Variants in GALNT18 observed in about 807,000 individuals in gnomAD.
GALNT18 encodes the protein polypeptide N-acetylgalactosaminyltransferase 18.
A neutral mutation model predicts 69.5 loss-of-function variants in GALNT18; 44 were observed. That is an observed-to-expected ratio of 0.63 (90% CI 0.50 to 0.81). The LOEUF (loss-of-function observed/expected upper bound fraction) is 0.81, where lower values mean the gene tolerates loss of function less well. Among genes scored for constraint, GALNT18 ranks in the 40% least tolerant of loss-of-function variants. GALNT18 has a pLI of 0.00. For synonymous variants in GALNT18, 364 were observed against 318.2 expected (o/e 1.14, Z -1.53); for missense variants, 715 against 810.0 (o/e 0.88, Z 1.42).
chr11:11,579,317 G>C (rs1859014178), intron 1 of GALNT18, among the ~76,000 whole-genome samples: 1 of 152,222 alleles, frequency 6.6e-6, no homozygotes, highest in South Asian at 2.1e-4. Context: ...CTCTAGGTTT[G>C]ACCAGGACTA....
At chr11:11,526,215 G>A (rs1386079796) in intron 1 of GALNT18, among the ~76,000 whole-genome samples, 2 of 152,188 alleles carry the variant, frequency 1.3e-5, no homozygotes, top group African/African-American at 4.8e-5. Flanking sequence ...TGTGGGTGGA[G>A]GGAGGGAAGC....
At chr11:11,456,296 G>C (rs953705636) in intron 1 of GALNT18, among the ~76,000 whole-genome samples, 6 of 152,148 alleles carry the variant, frequency 3.9e-5, no homozygotes, top group African/African-American at 1.4e-4. Context: ...GGGGCTTATT[G>C]CTGAGCTCAC....
intron 6 of GALNT18, among the ~76,000 whole-genome samples, chr11:11,366,090 C>T (rs570161974): frequency 3.0e-4 from 45 of 152,310 alleles, no homozygotes; most frequent in Admixed American, 7.8e-4. Context: ...GTCCCAAATA[C>T]GCTATTATGA....
chr11:11,282,686 G>A (rs72859264), intron 10 of GALNT18, among the ~76,000 whole-genome samples: 3,095 of 152,268 alleles, frequency 0.02, 45 homozygotes, highest in Non-Finnish European at 0.03. Context: ...ACCTCAACGA[G>A]CTTCAAAATT....
At chr11:11,354,201 A>G (rs1373311688) in intron 6 of GALNT18, among the ~76,000 whole-genome samples, 1 of 152,240 alleles carries the variant, frequency 6.6e-6, no homozygotes, top group African/African-American at 2.4e-5. Flanking sequence ...CACCGATAGC[A>G]AACTCTCATT....
intron 2 of GALNT18, among the ~76,000 whole-genome samples, chr11:11,445,847 AG>A (rs1855638682): frequency 6.6e-6 from 1 of 152,180 alleles, no homozygotes; most frequent in Non-Finnish European, 1.5e-5. Context: ...TGCAGAGGGA[AG>A]GTCTCTCTGT....
intron 1 of GALNT18, among the ~76,000 whole-genome samples, chr11:11,507,357 G>A (rs961686379): frequency 6.6e-6 from 1 of 152,196 alleles, no homozygotes; most frequent in Non-Finnish European, 1.5e-5. Flanking sequence ...CTGAGTCTCA[G>A]AGGAAAATTC....
chr11:11,291,278 C>T (rs539133256), intron 10 of GALNT18, among the ~76,000 whole-genome samples: 21 of 152,116 alleles, frequency 1.4e-4, no homozygotes, highest in South Asian at 4.2e-4. Flanking sequence ...CCTTCTCCCA[C>T]GTGGCCACTT....
At chr11:11,360,475 G>C (rs137958660) in intron 6 of GALNT18, among the ~76,000 whole-genome samples, 1 of 152,220 alleles carries the variant, frequency 6.6e-6, no homozygotes, top group African/African-American at 2.4e-5. Context: ...TCTCTTCATC[G>C]ATTTTCTATA....
chr11:11,577,505 C>A (rs368562986), intron 1 of GALNT18, among the ~76,000 whole-genome samples: 1 of 152,194 alleles, frequency 6.6e-6, no homozygotes, highest in African/African-American at 2.4e-5. Context: ...AAAAACCCCA[C>A]CCCTCCAATT....
chr11:11,527,140 A>G (rs1193425301), intron 1 of GALNT18, among the ~76,000 whole-genome samples: 2 of 152,164 alleles, frequency 1.3e-5, no homozygotes, highest in African/African-American at 4.8e-5. Flanking sequence ...TGATCCTTCC[A>G]AAAGTCTTCA....
rs188615231 is a variant in GALNT18, at chr11:11,391,572, A to G, written c.596-12308T>C. 2.1e-3 allele frequency among the ~76,000 whole-genome samples: 325 copies of G among 152,386 alleles called. 2 individuals are homozygous for G. The highest frequency in any genetic ancestry group is 4.0e-3 in the Non-Finnish European group (271 of 68,038). On this transcript the variant is annotated intron_variant, in intron 3 of 10. Transcript: ENST00000227756. ...CACTTTCTGATTTAAGGCAGATGAA[A>G]AAATAAAGGAAGGCTAATGCTATCT... is the stretch of plus-strand genomic sequence containing the variant.
chr11:11,343,612 T>C (rs1850249762), intron 6 of GALNT18, among the ~76,000 whole-genome samples: 1 of 152,182 alleles, frequency 6.6e-6, no homozygotes, highest in African/African-American at 2.4e-5. Context: ...ACAGTCCTGA[T>C]TTCCAATTCA....
chr11:11,503,721 C>T (rs1360938385), intron 1 of GALNT18, among the ~76,000 whole-genome samples: 4 of 152,220 alleles, frequency 2.6e-5, no homozygotes, highest in South Asian at 2.1e-4. Flanking sequence ...AGCTTCGCCA[C>T]CTTCTGTGAC....
Position 11,538,632 on chromosome 11 carries a change from G to A in GALNT18, c.235+82727C>T, listed in dbSNP as rs944431997. Among the ~76,000 whole-genome samples the A allele has an allele frequency of 5.3e-5, 8 of 152,192 alleles. No homozygotes were observed. The highest frequency in any genetic ancestry group is 8.8e-5 in the Non-Finnish European group (6 of 68,034). ...CCTATCTGGGGATGAAGCACAGGCT[G>A]ACCTGATAGTGAGTCCTCCCTTCCT... On this transcript the variant is annotated intron_variant, in intron 1 of 10. Transcript: ENST00000227756. This position sits in a 1 kb window ranked among gnomAD's most constrained non-coding sequence, Gnocchi z 5.2.
At chr11:11,580,355 C>A (rs1859047110) in intron 1 of GALNT18, among the ~76,000 whole-genome samples, 1 of 152,332 alleles carries the variant, frequency 6.6e-6, no homozygotes, top group South Asian at 2.1e-4. Flanking sequence ...CTGGGTCCTC[C>A]TCATCAAATT....
At chr11:11,575,168 A>G (rs1341994180) in intron 1 of GALNT18, among the ~76,000 whole-genome samples, 1 of 152,076 alleles carries the variant, frequency 6.6e-6, no homozygotes, top group South Asian at 2.1e-4. Context: ...AAGCCAGTCC[A>G]TTGCATCTGT....
chr11:11,440,734 G>A (rs1477219180), intron 2 of GALNT18, among the ~76,000 whole-genome samples: 1 of 152,162 alleles, frequency 6.6e-6, no homozygotes, highest in African/African-American at 2.4e-5. Context: ...TCATGAACAT[G>A]TTCCCCCAAG....
intron 9 of GALNT18, among the ~76,000 whole-genome samples, chr11:11,321,624 A>T (rs1460677037): frequency 6.6e-6 from 1 of 152,002 alleles, no homozygotes; most frequent in African/African-American, 2.4e-5. Context: ...TTTTTTTGAG[A>T]TGGAGTCTCA....
Sources: gnomAD v4.1 joint callset for allele counts (sites outside exome capture counted in the v4.1 genomes callset) on GRCh38, gnomAD v4.1.1 for gene constraint, Gnocchi (gnomAD v3.1) non-coding constraint, MANE v1.5 for transcripts, NCBI Gene and HGNC (gene_info 2026-07-23, HGNC 2026-07-21) for gene names.